Variants in CD59 observed in about 807,000 individuals in gnomAD.
CD59 encodes the protein CD59 glycoprotein.
Under a neutral mutation model 7.0 loss-of-function variants are expected in CD59, and 3 were observed. The ratio of observed to expected loss-of-function variants is 0.43; its 90% CI spans 0.19 to 1.10. The LOEUF (loss-of-function observed/expected upper bound fraction) is 1.10, where lower values mean the gene tolerates loss of function less well. CD59 is among the 50% of genes least tolerant of loss of function. CD59 has a pLI of 0.29. For missense variants in CD59, 143 were observed against 151.0 expected, an observed-to-expected ratio of 0.95 and a Z score of 0.28; for synonymous variants, 60 against 62.0, an observed-to-expected ratio of 0.97 and a Z score of 0.15.
intron 3 of CD59, among the ~76,000 whole-genome samples, chr11:33,714,952 T>C (rs916099134): frequency 2.6e-5 from 4 of 151,294 alleles, no homozygotes; most frequent in African/African-American, 7.3e-5. Context: ...TTTTTTTTTT[T>C]TCTTTTGTAG....
At chr11:33,723,420 G>A (rs1457317528) in intron 1 of CD59, among the ~76,000 whole-genome samples, 2 of 152,152 alleles carry the variant, frequency 1.3e-5, no homozygotes, top group African/African-American at 4.8e-5. Context: ...TGCTACTTAG[G>A]AATTTGCTGA....
rs1474110576 is a variant in CD59 at position 33,717,654 on chromosome 11, C to G, written c.68-183G>C. ...ACAGTTCCAGCAACATTTTTTGGAC[C>G]CTGATGCAAGCACAAAGGAAATATC... On this transcript the variant is annotated intron_variant, in intron 2 of 3. Transcript: ENST00000642928. 6 of 611,742 alleles carry G rather than the reference C, an allele frequency of 9.8e-6. No individual in the cohort carries two copies. In the Admixed American group the frequency reaches 1.4e-4, roughly 14 times the overall value. The allele number at this position is 611,742 out of a possible 1,614,324, so 37.9% of individuals were successfully genotyped here.
rs113044849 is a variant in CD59, at chr11:33,732,385, T to G, written c.-19+3997A>C. Among the ~76,000 whole-genome samples the G allele has an allele frequency of 2.8e-3, 416 of 150,790 alleles. 1 individual carries two copies. The highest frequency in any genetic ancestry group is 9.9e-3 in the African/African-American group (400 of 40,476). Reference sequence around the variant, plus strand: ...TTGAAAGTGTGTAGCACTTCCCCCTTTGCTGTCTTCCTCCTGCTCCCGCCA... The same window carrying G: ...TTGAAAGTGTGTAGCACTTCCCCCTGTGCTGTCTTCCTCCTGCTCCCGCCA... On this transcript the variant is annotated intron_variant, in intron 1 of 3. Coordinates refer to ENST00000642928, the MANE Select transcript of CD59 (RefSeq NM_000611.6).
intron 1 of CD59, chr11:33,722,714 T>G (rs3181281): frequency 7.8e-7 from 1 of 1,280,010 alleles, no homozygotes; most frequent in South Asian, 1.5e-5. Flanking sequence ...CCCATCAGGG[T>G]CAGTGAGTCA....
At chr11:33,723,071 C>G in intron 1 of CD59, 1 of 562,664 alleles carries the variant, frequency 1.8e-6, no homozygotes, top group Non-Finnish European at 2.3e-6. Context: ...GAAGGAAAGC[C>G]TGAAATGCCT....
intron 2 of CD59, chr11:33,718,680 G>A (rs1853913626): frequency 6.6e-6 from 1 of 152,134 alleles, no homozygotes; most frequent in Non-Finnish European, 1.5e-5. Context: ...ACAACGTGAG[G>A]GTCATCTTAC....
chr11:33,713,100 G>A (rs942277653), intron 3 of CD59, among the ~76,000 whole-genome samples: 1 of 151,904 alleles, frequency 6.6e-6, no homozygotes, highest in Non-Finnish European at 1.5e-5. Flanking sequence ...AAATAGCCTT[G>A]GGCACACAGG....
At chr11:33,710,649 C>A (rs889212440) in intron 3 of CD59, among the ~76,000 whole-genome samples, 1 of 152,026 alleles carries the variant, frequency 6.6e-6, no homozygotes, top group Admixed American at 6.5e-5. Context: ...TAAACACATG[C>A]CCCCTTTGAT....
At position 33,705,434 on chromosome 11, in the gene CD59, A is replaced by G. The variant is rs7046; in HGVS notation, c.*4692T>C. 99,726 of 152,180 alleles carry G rather than the reference A, an allele frequency of 0.66. 33,475 individuals are homozygous for G. Among genetic ancestry groups the G allele is most frequent in the African/African-American group, 0.81 (33,437 of 41,512 alleles). The allele number at this position is 152,180 out of a possible 1,614,324, so 9.4% of individuals were successfully genotyped here. A position where few individuals can be genotyped will look rare whatever the true frequency, so the allele number is the denominator to read the frequency against. On this transcript the variant is annotated 3_prime_UTR_variant, in exon 4 of 4. Coordinates refer to ENST00000642928, the MANE Select transcript of CD59 (RefSeq NM_000611.6). ...CGGTAGCCTCTTTGGTATGGCCACT[A>G]TGGTGGTAGACACTGTCTACCTTGT... is the stretch of plus-strand genomic sequence containing the variant.
intron 3 of CD59, among the ~76,000 whole-genome samples, chr11:33,715,076 T>G (rs1052845880): frequency 1.3e-5 from 2 of 152,020 alleles, no homozygotes; most frequent in Non-Finnish European, 2.9e-5. Context: ...CCCGAGAGGC[T>G]GTTTTATAGT....
intron 3 of CD59, among the ~76,000 whole-genome samples, chr11:33,715,045 GC>G (rs1375639690): frequency 6.6e-6 from 1 of 151,160 alleles, no homozygotes; most frequent in Non-Finnish European, 1.5e-5. Context: ...CTGGGTTCAA[GC>G]AATTCTTCTG....
rs996618095 is a variant in CD59, at chr11:33,706,884, T to C, written c.*3242A>G. 1.3e-5 allele frequency: 2 copies of C among 152,174 alleles called. No homozygotes were observed. Among genetic ancestry groups the C allele is most frequent in the Non-Finnish European group, 2.9e-5 (2 of 68,032 alleles). 9.4% of individuals were successfully genotyped at this position (152,174 alleles called of 1,614,324 possible). ...GGCACCAGGGACCCATTCTAGACTT[T>C]CCAAAGCTAGGCACATATTAAAGAG... On this transcript the variant is annotated 3_prime_UTR_variant, in exon 4 of 4. Transcript: ENST00000642928.
At chr11:33,734,072 G>A (rs2133578072) in intron 1 of CD59, among the ~76,000 whole-genome samples, 1 of 152,360 alleles carries the variant, frequency 6.6e-6, no homozygotes, top group Admixed American at 6.5e-5. Context: ...AAGATACCTA[G>A]TGTCAGCAAT....
Position 33,709,951 on chromosome 11 carries a change from G to C in CD59, c.*175C>G, listed in dbSNP as rs1853465734. 2 of 669,320 alleles carry C rather than the reference G, an allele frequency of 3.0e-6. No individual in the cohort carries two copies. Among genetic ancestry groups the C allele is most frequent in the African/African-American group, 3.6e-5 (2 of 55,864 alleles). 41.5% of individuals were successfully genotyped at this position (669,320 alleles called of 1,614,324 possible). On this transcript the variant is annotated 3_prime_UTR_variant, in exon 4 of 4. Coordinates refer to ENST00000642928, the MANE Select transcript of CD59 (RefSeq NM_000611.6). The stretch of plus-strand genomic sequence containing the variant: ...TTCAAGTGGGGCTTCCCTGCAAACA[G>C]GACTGGTCTTCAAAGTCTCCCAGAG...
rs1196829322 is a variant in CD59 at position 33,707,719 on chromosome 11, C to T, written c.*2407G>A. The T allele has an allele frequency of 1.3e-5, 2 of 152,266 alleles. No individual in the cohort carries two copies. Among genetic ancestry groups the T allele is most frequent in the African/African-American group, 4.8e-5 (2 of 41,464 alleles). 9.4% of individuals were successfully genotyped at this position (152,266 alleles called of 1,614,324 possible). ...GACACATGAATCCCTCTTCGTTGAT[C>T]AGGGTCAGTTGGAGGATGTAGCTGT... On this transcript the variant is annotated 3_prime_UTR_variant, in exon 4 of 4. Transcript: ENST00000642928.
At chr11:33,719,365 C>T (rs12360810) in intron 2 of CD59, 36,855 of 152,204 alleles carry the variant, frequency 0.24, 4,830 homozygotes, top group Middle Eastern at 0.33. Context: ...CTCACACCTA[C>T]AATCCCAGCA....
chr11:33,720,212 A>G (rs988083385), intron 2 of CD59, among the ~76,000 whole-genome samples: 1 of 152,216 alleles, frequency 6.6e-6, no homozygotes, highest in Non-Finnish European at 1.5e-5. Flanking sequence ...CTTCATCCCC[A>G]CCTTGCAAGA....
intron 3 of CD59, among the ~76,000 whole-genome samples, chr11:33,713,333 A>C (rs1853647238): frequency 6.6e-6 from 1 of 152,204 alleles, no homozygotes; most frequent in South Asian, 2.1e-4. Context: ...GGAAAGAAAA[A>C]AACGCAGATG....
rs549099946 is a variant in CD59 at position 33,710,129 on chromosome 11, G to T, written c.384C>A (p.Pro128=). The T allele has an allele frequency of 5.6e-6, 9 of 1,611,266 alleles. No homozygotes were observed. The East Asian group carries it at 1.8e-4, about 32-fold the overall frequency. Residue 128 remains proline, a synonymous_variant, in exon 4 of 4, where the codon CCC becomes CCA. Coordinates refer to ENST00000642928, the MANE Select transcript of CD59 (RefSeq NM_000611.6). ...GAGAAGCTCTCCTGGTGTTGACTTA[G>T]GGATGAAGGCTCCAGGCTGCTGCCA... is the stretch of plus-strand genomic sequence containing the variant. ...PFLAAAWSLH[P]
Sources: gnomAD v4.1 joint callset for allele counts (sites outside exome capture counted in the v4.1 genomes callset) on GRCh38, gnomAD v4.1.1 for gene constraint, MANE v1.5 for transcripts, NCBI Gene and HGNC (gene_info 2026-07-23, HGNC 2026-07-21) for gene names.